XCR1: variants seen among roughly 807,000 people sequenced by gnomAD.
XCR1 encodes the protein X-C motif chemokine receptor 1.
For synonymous variants in XCR1, 187 were observed against 188.5 expected (o/e 0.99, Z 0.06); for missense variants, 356 against 424.2 (o/e 0.84, Z 1.41).
intron 5 of XCR1, among the ~76,000 whole-genome samples, chr3:46,041,811 G>A (rs1697541388): frequency 6.6e-6 from 1 of 152,142 alleles, no homozygotes; most frequent in Non-Finnish European, 1.5e-5. Context: ...TGAAACACCA[G>A]CCTTCTCATT....
rs552120577 is a variant in XCR1, at chr3:46,018,616, C to T, written c.*2330G>A. 4 of 152,334 alleles carry T rather than the reference C, an allele frequency of 2.6e-5. No individual in the cohort carries two copies. The East Asian group carries it at 7.7e-4, about 29-fold the overall frequency. The allele number at this position is 152,334 out of a possible 1,614,324, so 9.4% of individuals were successfully genotyped here. On this transcript the variant is annotated 3_prime_UTR_variant, in exon 2 of 2. Transcript: ENST00000309285. ...GCCCCTTCCCTTCACTGGTATGCCG[C>T]CCAGCCCTGTCCAGCAGGTGCTACT... is the stretch of plus-strand genomic sequence containing the variant.
At chr3:46,053,422 A>G (rs1005524558) in intron 5 of XCR1, among the ~76,000 whole-genome samples, 2 of 151,616 alleles carry the variant, frequency 1.3e-5, no homozygotes, top group Non-Finnish European at 2.9e-5. Flanking sequence ...GAGGCGGTAC[A>G]GATGTTTCTG....
At chr3:46,033,363 G>A (rs1488823269) in intron 5 of XCR1, among the ~76,000 whole-genome samples, 2 of 152,136 alleles carry the variant, frequency 1.3e-5, no homozygotes, top group African/African-American at 4.8e-5. Context: ...TTTTGTGAAA[G>A]GTGTAAGATC....
intron 5 of XCR1, among the ~76,000 whole-genome samples, chr3:46,043,763 A>G (rs973493741): frequency 1.6e-5 from 2 of 126,632 alleles, no homozygotes; most frequent in African/African-American, 5.7e-5. Context: ...CACACACACA[A>G]GAATGCCTAC....
intron 3 of XCR1, among the ~76,000 whole-genome samples, chr3:46,072,946 G>A (rs770738633): frequency 6.6e-6 from 1 of 152,150 alleles, no homozygotes; most frequent in African/African-American, 2.4e-5. Flanking sequence ...TGACAGAATA[G>A]AGAACCCAGA....
In XCR1 at chr3:46,019,126, C is replaced by G. The variant is rs558702333; in HGVS notation, c.*1820G>C. On this transcript the variant is annotated 3_prime_UTR_variant, in exon 2 of 2. Coordinates refer to ENST00000309285, the MANE Select transcript of XCR1 (RefSeq NM_001024644.2). The stretch of plus-strand genomic sequence containing the variant: ...AGAAGGCAAGGTGAAGCATAGCCAT[C>G]GCCACAGAGAGAGATAAGCAATCTC... The G allele has an allele frequency of 2.6e-5, 4 of 152,312 alleles. No individual in the cohort carries two copies. The South Asian group carries it at 6.2e-4, about 24-fold the overall frequency. 9.4% of individuals were successfully genotyped at this position (152,312 alleles called of 1,614,324 possible).
chr3:46,077,329 C>G (rs1264953288), intron 1 of XCR1, among the ~76,000 whole-genome samples: 1 of 151,858 alleles, frequency 6.6e-6, no homozygotes, highest in African/African-American at 2.4e-5. Flanking sequence ...AAGTGCAAAC[C>G]CTATTGTGAA....
intron 3 of XCR1, among the ~76,000 whole-genome samples, chr3:46,069,862 T>C (rs995426483): frequency 3.3e-5 from 5 of 152,068 alleles, no homozygotes; most frequent in African/African-American, 1.2e-4. Context: ...TTTTCTTCTT[T>C]TTCTAGTTCC....
chr3:46,021,677 A>G lies in XCR1; in HGVS notation c.271T>C (p.Tyr91His). 1.2e-6 allele frequency: 2 copies of G among 1,608,422 alleles called. No homozygotes were observed. Among genetic ancestry groups the G allele is most frequent in the South Asian group, 2.2e-5 (2 of 90,760 alleles). Reference sequence around the variant, plus strand: ...TCTCCCAGCACCCAGCCCCAGTGGTATGGGGAGATCCACACAGGCAACAAG... The same window carrying G: ...TCTCCCAGCACCCAGCCCCAGTGGTGTGGGGAGATCCACACAGGCAACAAG... ...ACLLPVWISP[Y>H]HWGWVLGDFL... The change falls in exon 2 of 2, where the codon TAC becomes CAC. Residue 91 changes from tyrosine to histidine, a missense_variant. Physicochemically the swap from Tyr to His is moderately conservative, Grantham distance 83. Coordinates refer to ENST00000309285, the MANE Select transcript of XCR1 (RefSeq NM_001024644.2). The surrounding 1 kb of genome is among the most constrained non-coding windows in gnomAD (Gnocchi z 4.7).
At chr3:46,080,798 G>A (rs907699068) in intron 1 of XCR1, among the ~76,000 whole-genome samples, 1 of 152,172 alleles carries the variant, frequency 6.6e-6, no homozygotes, top group Non-Finnish European at 1.5e-5. Flanking sequence ...TTGGAATCCA[G>A]ATGAAACGAC....
intron 1 of XCR1, among the ~76,000 whole-genome samples, chr3:46,081,583 T>A (rs1372745338): frequency 6.6e-6 from 1 of 152,232 alleles, no homozygotes; most frequent in Admixed American, 6.5e-5. Context: ...TTTAAAGGTC[T>A]CTGATGTCTA....
intron 4 of XCR1, among the ~76,000 whole-genome samples, chr3:46,064,226 T>C (rs1160315143): frequency 6.6e-6 from 1 of 152,198 alleles, no homozygotes; most frequent in African/African-American, 2.4e-5. Context: ...ACTGAACACA[T>C]ATCATGTGCC....
At chr3:46,037,571 T>G (rs920657843) in intron 5 of XCR1, among the ~76,000 whole-genome samples, 3 of 152,164 alleles carry the variant, frequency 2.0e-5, no homozygotes, top group Admixed American at 1.3e-4. Flanking sequence ...ATGTAAGTCA[T>G]ATGTTGCTTT....
intron 5 of XCR1, among the ~76,000 whole-genome samples, chr3:46,041,626 G>A (rs557355678): frequency 2.0e-5 from 3 of 152,268 alleles, no homozygotes; most frequent in African/African-American, 4.8e-5. Context: ...GACTGAAGCC[G>A]ACCCAGTGAT....
chr3:46,060,193 C>T (rs1411306313), intron 4 of XCR1, among the ~76,000 whole-genome samples: 1 of 152,186 alleles, frequency 6.6e-6, no homozygotes, highest in Admixed American at 6.5e-5. Flanking sequence ...TTTATAGATA[C>T]CTTCTTCCAC....
chr3:46,023,914 A>G (rs1708228269), intron 1 of XCR1: 2 of 1,502,208 alleles, frequency 1.3e-6, no homozygotes, highest in South Asian at 2.3e-5. Flanking sequence ...AGACTTCTAA[A>G]AAGGTCCAGT....
rs1423490368 is a variant in XCR1 at position 46,021,297 on chromosome 3, G to T, written c.651C>A (p.Ser217=). The change falls in exon 2 of 2, where the codon TCC becomes TCA. Residue 217 remains serine (S), a synonymous_variant. Coordinates refer to ENST00000309285, the MANE Select transcript of XCR1 (RefSeq NM_001024644.2). The surrounding 1 kb of genome is among the most constrained non-coding windows in gnomAD (Gnocchi z 4.7). The part of the protein sequence containing the change: ...EILRTLFRSR[S]KRRHRTVKLI... ...GCTTGACCGTGCGGTGGCGCCGCTT[G>T]GAGCGTGAGCGGAACAGGGTCCTGA... 1.9e-6 allele frequency: 3 copies of T among 1,614,158 alleles called. No homozygotes were observed. The highest frequency in any genetic ancestry group is 1.6e-4 in the Middle Eastern group (1 of 6,062).
intron 1 of XCR1, among the ~76,000 whole-genome samples, chr3:46,027,021 C>T (rs1204835481): frequency 1.3e-5 from 2 of 151,980 alleles, no homozygotes; most frequent in Admixed American, 6.6e-5. Context: ...GCTGGTAGTA[C>T]AGATGTGTGC....
intron 2 of XCR1, among the ~76,000 whole-genome samples, chr3:46,076,112 C>T (rs1484149575): frequency 1.3e-5 from 2 of 152,202 alleles, no homozygotes; most frequent in African/African-American, 4.8e-5. Context: ...TAACAGTCAC[C>T]TTCCAACCCT....
Sources: gnomAD v4.1 joint callset for allele counts (sites outside exome capture counted in the v4.1 genomes callset) on GRCh38, gnomAD v4.1.1 for gene constraint, Gnocchi (gnomAD v3.1) non-coding constraint, MANE v1.5 for transcripts, NCBI Gene and HGNC (gene_info 2026-07-23, HGNC 2026-07-21) for gene names.